SGCG: variants seen among roughly 807,000 people sequenced by gnomAD.
SGCG encodes the protein sarcoglycan gamma.
Under a neutral mutation model 29.3 loss-of-function variants are expected in SGCG, and 26 were observed. The ratio of observed to expected loss-of-function variants is 0.89; its 90% CI spans 0.65 to 1.23. The LOEUF (loss-of-function observed/expected upper bound fraction) is 1.23. Ranked by LOEUF, SGCG falls within the 50% of genes most tolerant of loss-of-function variation. The probability of loss-of-function intolerance (pLI) is 0.00; values close to 1 mark genes in which losing one functional copy is unlikely to be tolerated. For synonymous variants in SGCG, 145 were observed against 129.7 expected (o/e 1.12, Z -0.80); for missense variants, 353 against 356.0 (o/e 0.99, Z 0.07).
At chr13:23,179,608 T>C (rs1212994182), upstream of SGCG, among the ~76,000 whole-genome samples, 1 of 152,212 alleles carries the variant, frequency 6.6e-6, no homozygotes, top group Admixed American at 6.5e-5. Context: ...AGTTGTCCTA[T>C]AATTTTATGT....
In SGCG at chr13:23,324,938, T is replaced by C. The variant is rs556520681; in HGVS notation, c.*397T>C. ...CCCTGTTGAGAGTAGCCTTGCTCAG[T>C]ACTAAAATGCCCCAAAGTTCTATAC... On this transcript the variant is annotated 3_prime_UTR_variant, in exon 8 of 8. Coordinates refer to ENST00000218867, the MANE Select transcript of SGCG (RefSeq NM_000231.3). The C allele has an allele frequency of 7.0e-4, 211 of 300,650 alleles. No individual in the cohort carries two copies. Among genetic ancestry groups the C allele is most frequent in the African/African-American group, 4.3e-3 (199 of 46,366 alleles). The allele number at this position is 300,650 out of a possible 1,614,324, so 18.6% of individuals were successfully genotyped here. A position where few individuals can be genotyped will look rare whatever the true frequency, so the allele number is the denominator to read the frequency against.
chr13:23,291,385 C>A (rs1367963640), intron 5 of SGCG, among the ~76,000 whole-genome samples: 1 of 152,050 alleles, frequency 6.6e-6, no homozygotes, highest in African/African-American at 2.4e-5. Flanking sequence ...CTTATATCAT[C>A]TTGATTGTGA....
At chr13:23,242,996 G>A (rs948490514) in intron 3 of SGCG, among the ~76,000 whole-genome samples, 8 of 152,062 alleles carry the variant, frequency 5.3e-5, no homozygotes, top group Non-Finnish European at 1.0e-4. Context: ...AAATGTACAC[G>A]TTGATTGTTT....
At chr13:23,267,322 A>G (rs1212689734) in intron 4 of SGCG, among the ~76,000 whole-genome samples, 1 of 152,240 alleles carries the variant, frequency 6.6e-6, no homozygotes, top group Non-Finnish European at 1.5e-5. Context: ...GAGTGTCTAC[A>G]GGAGCATGGT....
intron 6 of SGCG, among the ~76,000 whole-genome samples, chr13:23,312,102 A>G (rs950315734): frequency 6.6e-6 from 1 of 152,214 alleles, no homozygotes; most frequent in African/African-American, 2.4e-5. Context: ...TTTGGCTCCA[A>G]GTAATCCAGG....
intron 1 of SGCG, among the ~76,000 whole-genome samples, chr13:23,198,845 CA>C (rs34460964): frequency 0.25 from 27,813 of 110,988 alleles, 2,869 homozygotes; most frequent in East Asian, 0.3. Flanking sequence ...GACTCCATCT[CA>C]AAAAAAAAAA....
chr13:23,322,828 AC>A (rs1297591314), intron 7 of SGCG, among the ~76,000 whole-genome samples: 1 of 135,380 alleles, frequency 7.4e-6, no homozygotes, highest in African/African-American at 2.8e-5. Flanking sequence ...CAGAGGATTC[AC>A]CTGGAAGTCA....
chr13:23,230,993 G>A (rs1196645538), intron 2 of SGCG, among the ~76,000 whole-genome samples: 1 of 152,164 alleles, frequency 6.6e-6, no homozygotes, highest in Non-Finnish European at 1.5e-5. Context: ...GTTTTAGCAC[G>A]AAAGGGTGTT....
At chr13:23,291,648 A>G (rs1302702036) in intron 5 of SGCG, among the ~76,000 whole-genome samples, 3 of 152,234 alleles carry the variant, frequency 2.0e-5, no homozygotes, top group African/African-American at 7.2e-5. Flanking sequence ...TATAGATTTT[A>G]TATCTCCCTG....
At chr13:23,321,655 C>T (rs774911181) in intron 7 of SGCG, among the ~76,000 whole-genome samples, 4 of 152,242 alleles carry the variant, frequency 2.6e-5, no homozygotes, top group Admixed American at 6.5e-5. Flanking sequence ...CTGGGCTGGA[C>T]GGCTCAAGAT....
upstream of SGCG, among the ~76,000 whole-genome samples, chr13:23,177,565 A>C (rs1056313721): frequency 7.5e-6 from 1 of 133,906 alleles, no homozygotes; most frequent in African/African-American, 2.9e-5. Context: ...GCATGTGAGC[A>C]GGCTTTTTTT....
intron 2 of SGCG, among the ~76,000 whole-genome samples, chr13:23,219,755 T>A (rs34990674): frequency 0.086 from 13,023 of 151,470 alleles, 668 homozygotes; most frequent in Non-Finnish European, 0.12. Context: ...ATTATTATTT[T>A]TTTTTTTTGA....
At chr13:23,208,819 T>C (rs1878079644) in intron 2 of SGCG, among the ~76,000 whole-genome samples, 1 of 152,164 alleles carries the variant, frequency 6.6e-6, no homozygotes, top group African/African-American at 2.4e-5. Flanking sequence ...GCTTTTTCCT[T>C]ATTATATTTT....
At chr13:23,165,763 G>T in the SGCG span, among the ~76,000 whole-genome samples, 3 of 152,096 alleles carry the variant, frequency 2.0e-5, no homozygotes, top group Non-Finnish European at 2.9e-5. Flanking sequence ...CTGACCTCAG[G>T]TGATCCACCT....
At chr13:23,296,124 C>T (rs1881899404) in intron 6 of SGCG, among the ~76,000 whole-genome samples, 1 of 152,208 alleles carries the variant, frequency 6.6e-6, no homozygotes, top group Non-Finnish European at 1.5e-5. Flanking sequence ...GCATACGTTT[C>T]CTGAAGTTTT....
At chr13:23,170,444 T>C in the SGCG span, 1 of 152,230 alleles carries the variant, frequency 6.6e-6, no homozygotes, top group Non-Finnish European at 1.5e-5. Context: ...AGAGAATCAA[T>C]GCAAAGAAAG....
chr13:23,224,282 T>A lies in SGCG; in HGVS notation c.196-10329T>A, dbSNP rs1015825258. Among the ~76,000 whole-genome samples the A allele has an allele frequency of 2.0e-5, 3 of 152,228 alleles. No homozygotes were observed. In the South Asian group the frequency reaches 6.2e-4, roughly 31 times the overall value. ...ATATGTGTTAGTTGAAGAGCCACTCTAATAAGGTGAAACTACAGGCTCCTC... is the reference window on the plus strand; with the variant it reads ...ATATGTGTTAGTTGAAGAGCCACTCAAATAAGGTGAAACTACAGGCTCCTC... On this transcript the variant is annotated intron_variant, in intron 2 of 7. Coordinates refer to ENST00000218867, the MANE Select transcript of SGCG (RefSeq NM_000231.3).
intron 2 of SGCG, among the ~76,000 whole-genome samples, chr13:23,216,033 CAT>C (rs368411906): frequency 2.6e-5 from 4 of 152,196 alleles, no homozygotes; most frequent in African/African-American, 9.6e-5. Flanking sequence ...AGCAATGAAA[CAT>C]ATTAGAATCT....
rs746787386 is a variant in SGCG at position 23,324,550 on chromosome 13, C to A, written c.*9C>A. On this transcript the variant is annotated 3_prime_UTR_variant, in exon 8 of 8. Coordinates refer to ENST00000218867, the MANE Select transcript of SGCG (RefSeq NM_000231.3). ...ACCACATCTGCCTCTGAGCTGCCTG[C>A]GTCCTCTCGGTGAGCTGTGCAGTGC... 1.9e-6 allele frequency: 3 copies of A among 1,607,432 alleles called. No individual in the cohort carries two copies. Among genetic ancestry groups the A allele is most frequent in the Admixed American group, 3.3e-5 (2 of 60,002 alleles).
Sources: gnomAD v4.1 joint callset for allele counts (sites outside exome capture counted in the v4.1 genomes callset) on GRCh38, gnomAD v4.1.1 for gene constraint, MANE v1.5 for transcripts, NCBI Gene and HGNC (gene_info 2026-07-23, HGNC 2026-07-21) for gene names.